The following ATRNL1 variants were observed in gnomAD, a reference collection of about 807,000 sequenced individuals.
ATRNL1 encodes the protein attractin-like protein 1.
Under a neutral mutation model 182.7 loss-of-function variants are expected in ATRNL1, and 95 were observed. The observed-to-expected ratio is 0.52, with a 90% CI of 0.44 to 0.62. The LOEUF is 0.62. Ranked by LOEUF, ATRNL1 falls within the 20% of genes least tolerant of loss-of-function variation. ATRNL1 has a pLI of 0.00. For synonymous variants in ATRNL1, 576 were observed against 568.3 expected (o/e 1.01, Z -0.19); for missense variants, 1,471 against 1,679.5 (o/e 0.88, Z 2.17).
intron 21 of ATRNL1, among the ~76,000 whole-genome samples, chr10:115,458,068 G>A (rs1554969082): frequency 6.6e-6 from 1 of 152,044 alleles, no homozygotes; most frequent in African/African-American, 2.4e-5. Context: ...GTTCATTAAT[G>A]CAGCATAAAA....
chr10:115,324,384 G>T (rs1854760234), intron 18 of ATRNL1, among the ~76,000 whole-genome samples: 1 of 152,076 alleles, frequency 6.6e-6, no homozygotes, highest in Non-Finnish European at 1.5e-5. Flanking sequence ...AGCATAAAAT[G>T]CTATCTAGTC....
intron 26 of ATRNL1, among the ~76,000 whole-genome samples, chr10:115,567,410 A>G (rs1565172678): frequency 1.3e-5 from 2 of 152,130 alleles, no homozygotes; most frequent in Non-Finnish European, 2.9e-5. Flanking sequence ...TTTGTCCTGA[A>G]GATTAATTCA....
intron 21 of ATRNL1, among the ~76,000 whole-genome samples, chr10:115,457,559 C>G (rs782479928): frequency 6.6e-6 from 1 of 152,078 alleles, no homozygotes; most frequent in Non-Finnish European, 1.5e-5. Flanking sequence ...TACTTTCCCT[C>G]TTTTTAATGA....
chr10:115,546,857 A>G lies in ATRNL1; in HGVS notation c.3717-2601A>G, dbSNP rs145699679. On this transcript the variant is annotated intron_variant, in intron 25 of 28. Transcript: ENST00000355044. ...AACACTGTACTTGAGGCAATCCTGC[A>G]TACAAGAAAACCTGTATATTCTTTA... Among the ~76,000 whole-genome samples the G allele has an allele frequency of 4.8e-3, 734 of 152,318 alleles. 7 individuals are homozygous for G. Among genetic ancestry groups the G allele is most frequent in the African/African-American group, 0.017 (697 of 41,564 alleles).
intron 18 of ATRNL1, among the ~76,000 whole-genome samples, chr10:115,330,247 AGTT>A (rs1342164763): frequency 1.3e-5 from 2 of 152,028 alleles, no homozygotes; most frequent in African/African-American, 2.4e-5. Context: ...AAATCATTTT[AGTT>A]GTTGTTATTT....
chr10:115,922,171 C>T (rs114339056), intron 28 of ATRNL1, among the ~76,000 whole-genome samples: 2 of 152,146 alleles, frequency 1.3e-5, no homozygotes, highest in East Asian at 1.9e-4. Flanking sequence ...TGTCTAGATG[C>T]GTATGGACAG....
intron 26 of ATRNL1, among the ~76,000 whole-genome samples, chr10:115,625,502 CAT>C (rs1216053464): frequency 2.0e-5 from 3 of 151,932 alleles, no homozygotes; most frequent in Admixed American, 6.6e-5. Context: ...AAATATTACA[CAT>C]GTGTATTGAA....
At chr10:115,145,973 G>A (rs1845954085) in intron 5 of ATRNL1, among the ~76,000 whole-genome samples, 1 of 151,700 alleles carries the variant, frequency 6.6e-6, no homozygotes, top group Non-Finnish European at 1.5e-5. Context: ...CCTTAAGCTA[G>A]CCAAATTAAT....
intron 27 of ATRNL1, among the ~76,000 whole-genome samples, chr10:115,733,367 A>C (rs1565329954): frequency 6.6e-6 from 1 of 152,214 alleles, no homozygotes; most frequent in African/African-American, 2.4e-5. Context: ...GACACTGGAC[A>C]TGTAAGAAGC....
At chr10:115,094,208 G>T (rs1554862566) in intron 1 of ATRNL1, among the ~76,000 whole-genome samples, 165 bp downstream of exon 1, 1 of 151,512 alleles carries the variant, frequency 6.6e-6, no homozygotes, top group African/African-American at 2.4e-5. Flanking sequence ...GGCCCGCGCC[G>T]CGCCCCCTCC....
Position 115,727,145 on chromosome 10 carries a change from C to A in ATRNL1, c.3796-103C>A, listed in dbSNP as rs887853707. The A allele has an allele frequency of 6.5e-6, 5 of 769,798 alleles. No individual in the cohort carries two copies. In the African/African-American group the frequency reaches 6.9e-5, roughly 11 times the overall value. The allele number at this position is 769,798 out of a possible 1,614,324, so 47.7% of individuals were successfully genotyped here. A position where few individuals can be genotyped will look rare whatever the true frequency, so the allele number is the denominator to read the frequency against. On this transcript the variant is annotated intron_variant, in intron 26 of 28. Transcript: ENST00000355044. ...ATATGGATATCTGTATAAAATGATT[C>A]CTAACTTTTCAATGCCATTTGTTAA...
chr10:115,596,208 C>T (rs972253350), intron 26 of ATRNL1, among the ~76,000 whole-genome samples: 22 of 152,020 alleles, frequency 1.4e-4, no homozygotes, highest in African/African-American at 4.6e-4. Context: ...TGGGTTCAAG[C>T]GATTCTCCTG....
intron 20 of ATRNL1, among the ~76,000 whole-genome samples, chr10:115,410,446 C>G (rs371589977): frequency 6.6e-5 from 10 of 151,534 alleles, no homozygotes; most frequent in African/African-American, 2.4e-4. Flanking sequence ...CTCAGCCTCC[C>G]GAGTAGCTGG....
At chr10:115,656,677 C>T (rs1287240985) in intron 26 of ATRNL1, among the ~76,000 whole-genome samples, 14 of 152,162 alleles carry the variant, frequency 9.2e-5, no homozygotes, top group Non-Finnish European at 1.5e-4. Context: ...ATGAAGTTTA[C>T]TATAGTCATG....
intron 27 of ATRNL1, among the ~76,000 whole-genome samples, chr10:115,765,716 C>T (rs781909629): frequency 1.2e-4 from 18 of 152,196 alleles, no homozygotes; most frequent in South Asian, 4.1e-4. Context: ...ATTACAGTAC[C>T]GCAGGTCATC....
chr10:115,500,404 A>G (rs1350441959), intron 24 of ATRNL1, among the ~76,000 whole-genome samples: 3 of 152,134 alleles, frequency 2.0e-5, no homozygotes, highest in African/African-American at 7.2e-5. Flanking sequence ...AACATTAGGC[A>G]AGACTAGAAT....
At chr10:115,247,175 A>C (rs1025225416) in intron 10 of ATRNL1, among the ~76,000 whole-genome samples, 21 of 152,198 alleles carry the variant, frequency 1.4e-4, no homozygotes, top group Admixed American at 8.5e-4. Context: ...CATATAAAAT[A>C]AAAAGCTTTT....
chr10:115,744,337 A>C (rs1220207097), intron 27 of ATRNL1, among the ~76,000 whole-genome samples: 1 of 152,150 alleles, frequency 6.6e-6, no homozygotes, highest in Non-Finnish European at 1.5e-5. Context: ...GATAGCACAA[A>C]AGTGCTTATG....
intron 5 of ATRNL1, among the ~76,000 whole-genome samples, chr10:115,129,902 G>A (rs1195017906): frequency 1.3e-5 from 2 of 152,116 alleles, no homozygotes; most frequent in African/African-American, 4.8e-5. Context: ...AATATAAATA[G>A]TATACTACAA....
Sources: gnomAD v4.1 joint callset for allele counts (sites outside exome capture counted in the v4.1 genomes callset) on GRCh38, gnomAD v4.1.1 for gene constraint, MANE v1.5 for transcripts, NCBI Gene and HGNC (gene_info 2026-07-23, HGNC 2026-07-21) for gene names.